Variants in COL13A1 observed in about 807,000 individuals in gnomAD.
COL13A1 encodes collagen type XIII alpha 1 chain.
A neutral mutation model predicts 130.9 loss-of-function variants in COL13A1; 89 were observed. The observed-to-expected ratio is 0.68, with a 90% CI of 0.57 to 0.81. The LOEUF (loss-of-function observed/expected upper bound fraction) is 0.81, where lower values mean the gene tolerates loss of function less well. Ranked by LOEUF, COL13A1 falls within the 30% of genes least tolerant of loss-of-function variation. The pLI, the probability that COL13A1 is intolerant of heterozygous loss-of-function variation, is 0.00. For missense variants in COL13A1, 879 were observed against 934.6 expected, an observed-to-expected ratio of 0.94 and a Z score of 0.78; for synonymous variants, 402 against 341.6, an observed-to-expected ratio of 1.18 and a Z score of -1.95.
intron 2 of COL13A1, among the ~76,000 whole-genome samples, chr10:69,836,722 C>A (rs1464090379): frequency 6.6e-6 from 1 of 152,184 alleles, no homozygotes; most frequent in African/African-American, 2.4e-5. Flanking sequence ...AGAGCTACAT[C>A]CTTGGCAGGC....
intron 30 of COL13A1, chr10:69,931,040 G>C: frequency 2.8e-6 from 1 of 356,832 alleles, no homozygotes; most frequent in Non-Finnish European, 5.7e-6. Flanking sequence ...CTGTGAAATG[G>C]GTGCCATCCT....
chr10:69,802,612 T>C lies in COL13A1; in HGVS notation c.189T>C (p.Phe63=), dbSNP rs1177967278. Residue 63 remains phenylalanine, a synonymous_variant, in exon 1 of 41, where the codon TTT becomes TTC. Transcript: ENST00000645393. Reference sequence around the variant, plus strand: ...TGGCACTCAGCCTGCTCGCCCACTTTCGGACGGCCGAGCTGCAGGCCCGGG... The same window carrying C: ...TGGCACTCAGCCTGCTCGCCCACTTCCGGACGGCCGAGCTGCAGGCCCGGG... ...CSLALSLLAH[F]RTAELQARVL... The C allele has an allele frequency of 6.2e-7, 1 of 1,613,070 alleles. No homozygotes were observed. Among genetic ancestry groups the C allele is most frequent in the Non-Finnish European group, 8.5e-7 (1 of 1,179,478 alleles).
chr10:69,923,217 T>C (rs2064917367), intron 23 of COL13A1, among the ~76,000 whole-genome samples: 1 of 152,108 alleles, frequency 6.6e-6, no homozygotes, highest in South Asian at 2.1e-4. Flanking sequence ...TGGCTCTGAG[T>C]AGGTTGCAGG....
chr10:69,947,292 T>G lies in COL13A1; in HGVS notation c.2023-15T>G, dbSNP rs2068698378. 1 of 1,613,480 alleles carries G rather than the reference T, an allele frequency of 6.2e-7. No individual in the cohort carries two copies. Among genetic ancestry groups the G allele is most frequent in the Non-Finnish European group, 8.5e-7 (1 of 1,179,604 alleles). On this transcript the variant is annotated splice_polypyrimidine_tract_variant and intron_variant, in intron 37 of 40. Coordinates refer to ENST00000645393, the MANE Select transcript of COL13A1 (RefSeq NM_001368882.1). ...GTCCTCATTAACATGCCTTTCTTCCTCTGATCTCTTGCAGGGTTTACATGG... is the reference window on the plus strand; with the variant it reads ...GTCCTCATTAACATGCCTTTCTTCCGCTGATCTCTTGCAGGGTTTACATGG...
chr10:69,894,565 C>T lies in COL13A1; in HGVS notation c.617C>T (p.Pro206Leu). The T allele has an allele frequency of 6.2e-7, 1 of 1,613,968 alleles. No homozygotes were observed. Among genetic ancestry groups the T allele is most frequent in the Non-Finnish European group, 8.5e-7 (1 of 1,179,886 alleles). ...TGCTTCCCACAGGGTCTGACGGGTCCCCCAGGACAGCCGGTTGGTACCTCA... is the reference window on the plus strand; with the variant it reads ...TGCTTCCCACAGGGTCTGACGGGTCTCCCAGGACAGCCGGTTGGTACCTCA... ...GPKGDMGLTG[P>L]PGQPGPQGQK... is the part of the protein sequence containing the mutation. The change falls in exon 11 of 41, where the codon CCC becomes CTC. Residue 206 changes from proline (P) to leucine (L), a missense_variant. This residue lies in a region of COL13A1 where 715 missense variants were observed against 721.0 expected (regional missense o/e 0.99). Transcript: ENST00000645393.
intron 26 of COL13A1, among the ~76,000 whole-genome samples, chr10:69,926,225 C>A (rs1382686223): frequency 1.3e-5 from 2 of 152,236 alleles, no homozygotes; most frequent in Admixed American, 6.5e-5. Flanking sequence ...GCATGTATAA[C>A]CCCCTTTCAT....
rs542287181 is a variant in COL13A1, at chr10:69,813,903, C to T, written c.295-8466C>T. On this transcript the variant is annotated intron_variant, in intron 1 of 40. Transcript: ENST00000645393. ...GTACCTCCTCACGGAAATGCCCTCC[C>T]TCCCCCATGCCCATTTATCCCAATT... is the stretch of plus-strand genomic sequence containing the variant. Among the ~76,000 whole-genome samples the T allele has an allele frequency of 5.9e-5, 9 of 152,344 alleles. No homozygotes were observed. The South Asian group carries it at 1.9e-3, about 32-fold the overall frequency.
intron 7 of COL13A1, among the ~76,000 whole-genome samples, chr10:69,883,899 C>A (rs955704976): frequency 8.5e-5 from 13 of 152,124 alleles, no homozygotes; most frequent in Admixed American, 6.6e-5. Context: ...ACAACCAAGG[C>A]CTGGACTGGA....
At chr10:69,888,789 A>T (rs2060863985) in intron 9 of COL13A1, among the ~76,000 whole-genome samples, 1 of 152,000 alleles carries the variant, frequency 6.6e-6, no homozygotes, top group Non-Finnish European at 1.5e-5. Flanking sequence ...CCACGTGGAG[A>T]CTGCTTCCCA....
intron 31 of COL13A1, among the ~76,000 whole-genome samples, chr10:69,934,644 C>T (rs2066592526): frequency 6.6e-6 from 1 of 152,256 alleles, no homozygotes; most frequent in Non-Finnish European, 1.5e-5. Flanking sequence ...GAGACAGAAG[C>T]TGCAATGGGC....
intron 13 of COL13A1, 51 bp from the exon 14 acceptor site, chr10:69,898,646 T>C (rs372535678): frequency 1.1e-5 from 17 of 1,550,398 alleles, no homozygotes; most frequent in African/African-American, 1.4e-5. Context: ...TCTGAATACC[T>C]GTGATCTTTG....
At chr10:69,831,532 C>T (rs1254900948) in intron 2 of COL13A1, among the ~76,000 whole-genome samples, 1 of 152,230 alleles carries the variant, frequency 6.6e-6, no homozygotes, top group East Asian at 1.9e-4. Context: ...GCCCTGCAAG[C>T]TTCTCAAGCT....
Position 69,958,841 on chromosome 10 carries a change from G to A in COL13A1, c.*140G>A, listed in dbSNP as rs1035778547. On this transcript the variant is annotated 3_prime_UTR_variant, in exon 41 of 41. Coordinates refer to ENST00000645393, the MANE Select transcript of COL13A1 (RefSeq NM_001368882.1). ...AAAGAAAGAAAAACCTGCATATTTTGTACAGAAAATATCAACCTCTTCCCT... is the reference window on the plus strand; with the variant it reads ...AAAGAAAGAAAAACCTGCATATTTTATACAGAAAATATCAACCTCTTCCCT... 6.8e-5 allele frequency: 79 copies of A among 1,165,884 alleles called. No individual in the cohort carries two copies. Among genetic ancestry groups the A allele is most frequent in the Non-Finnish European group, 9.2e-5 (77 of 836,824 alleles). 72.2% of individuals were successfully genotyped at this position (1,165,884 alleles called of 1,614,324 possible).
At chr10:69,803,570 G>A (rs1840645601) in intron 1 of COL13A1, among the ~76,000 whole-genome samples, 1 of 152,182 alleles carries the variant, frequency 6.6e-6, no homozygotes, top group South Asian at 2.1e-4. Flanking sequence ...CCCAGATAGA[G>A]AGGAGGACAG....
intron 7 of COL13A1, among the ~76,000 whole-genome samples, chr10:69,885,343 A>C (rs1216159256): frequency 6.6e-6 from 1 of 152,250 alleles, no homozygotes; most frequent in African/African-American, 2.4e-5. Context: ...AAAACAACCT[A>C]CTAGAAAACA....
chr10:69,840,063 G>C (rs1375323491), intron 2 of COL13A1, among the ~76,000 whole-genome samples: 2 of 152,244 alleles, frequency 1.3e-5, no homozygotes, highest in African/African-American at 2.4e-5. Flanking sequence ...GAAATGGGGA[G>C]AGTGTGCAGA....
At chr10:69,920,335 G>A (rs1295134927) in intron 21 of COL13A1, among the ~76,000 whole-genome samples, 2 of 152,180 alleles carry the variant, frequency 1.3e-5, no homozygotes, top group African/African-American at 2.4e-5. Context: ...CAGGGCCATG[G>A]GTAGCAAAGC....
chr10:69,912,453 A>G (rs2063484929), intron 17 of COL13A1, among the ~76,000 whole-genome samples: 1 of 152,084 alleles, frequency 6.6e-6, no homozygotes, highest in South Asian at 2.1e-4. Flanking sequence ...GGAACTCTTT[A>G]TAGGGAGAAA....
chr10:69,949,156 T>C (rs1447103318), intron 38 of COL13A1, among the ~76,000 whole-genome samples: 2 of 151,698 alleles, frequency 1.3e-5, no homozygotes, highest in Admixed American at 6.6e-5. Context: ...CCTGGAAGAG[T>C]CTCCCCTCAA....
Sources: gnomAD v4.1 joint callset for allele counts (sites outside exome capture counted in the v4.1 genomes callset) on GRCh38, gnomAD v4.1.1 for gene constraint, gnomAD v4.1.1 regional missense constraint, MANE v1.5 for transcripts, NCBI Gene and HGNC (gene_info 2026-07-23, HGNC 2026-07-21) for gene names.